CNTNAP2: variants seen among roughly 807,000 people sequenced by gnomAD.
CNTNAP2 encodes the protein contactin-associated protein-like 2.
CNTNAP2 carries 98 observed loss-of-function variants against 155.2 expected under a neutral mutation model. The ratio of observed to expected loss-of-function variants is 0.63; its 90% confidence interval spans 0.54 to 0.75. The LOEUF is 0.75. Ranked by LOEUF, CNTNAP2 falls within the 30% of genes least tolerant of loss-of-function variation. The pLI is 0.00. For synonymous variants in CNTNAP2, 651 were observed against 631.2 expected (o/e 1.03, Z -0.47); for missense variants, 1,727 against 1,688.1 (o/e 1.02, Z -0.40).
In CNTNAP2 at chr7:146,224,514, G is replaced by A. The variant is rs1411334450; in HGVS notation, c.97+107541G>A. On this transcript the variant is annotated intron_variant, in intron 1 of 23. Coordinates refer to ENST00000361727, the MANE Select transcript of CNTNAP2 (RefSeq NM_014141.6). ...TGTAATCCCAGCACTTTGGGAGGCC[G>A]AGGCGGGCGGATCATGAGGTCAGGA... 5.9e-5 allele frequency among the ~76,000 whole-genome samples: 9 copies of A among 151,726 alleles called. 1 individual carries two copies. In the South Asian group the frequency reaches 8.3e-4, roughly 14 times the overall value.
Position 147,703,162 on chromosome 7 carries a change from A to C in CNTNAP2, c.2098+63856A>C, listed in dbSNP as rs1187062650. Among the ~76,000 whole-genome samples, 3 of 152,038 alleles carry C rather than the reference A, an allele frequency of 2.0e-5. No homozygotes were observed. The East Asian group carries it at 5.8e-4, about 29-fold the overall frequency. On this transcript the variant is annotated intron_variant, in intron 13 of 23. Transcript: ENST00000361727. ...TTCTCCATACACCAACCACATTACC[A>C]ACCTCCCCTTCCCATCGAGAGAAGA...
At chr7:147,966,471 T>G (rs1801212587) in intron 14 of CNTNAP2, among the ~76,000 whole-genome samples, 1 of 152,048 alleles carries the variant, frequency 6.6e-6, no homozygotes, top group South Asian at 2.1e-4. Context: ...TTATAAAAAT[T>G]GTCCAGGTTT....
chr7:146,996,363 T>C (rs1798308595), intron 3 of CNTNAP2, among the ~76,000 whole-genome samples: 1 of 152,134 alleles, frequency 6.6e-6, no homozygotes, highest in African/African-American at 2.4e-5. Flanking sequence ...AAAGTCTTCC[T>C]TTTTATTTGT....
chr7:146,937,204 A>G (rs574446319), intron 3 of CNTNAP2, among the ~76,000 whole-genome samples: 1 of 151,896 alleles, frequency 6.6e-6, no homozygotes, highest in South Asian at 2.1e-4. Context: ...TGGCTAACAC[A>G]GTGAAACCCC....
intron 1 of CNTNAP2, among the ~76,000 whole-genome samples, chr7:146,250,935 G>A (rs943589812): frequency 6.6e-6 from 1 of 152,172 alleles, no homozygotes; most frequent in Non-Finnish European, 1.5e-5. Context: ...CTGTAGTTTA[G>A]TGAGCTCAAG....
At chr7:146,246,135 A>G (rs144673836) in intron 1 of CNTNAP2, among the ~76,000 whole-genome samples, 3,301 of 151,782 alleles carry the variant, frequency 0.022, 114 homozygotes, top group African/African-American at 0.075. Context: ...TGATATTGGC[A>G]TTGAGTGGGG....
intron 1 of CNTNAP2, among the ~76,000 whole-genome samples, chr7:146,461,399 C>T (rs1584936128): frequency 1.5e-5 from 2 of 130,940 alleles, no homozygotes; most frequent in South Asian, 4.5e-4. Context: ...AGCAAGACTC[C>T]GTCTCAAAAA....
At chr7:146,334,982 T>C (rs1316069274) in intron 1 of CNTNAP2, among the ~76,000 whole-genome samples, 1 of 152,204 alleles carries the variant, frequency 6.6e-6, no homozygotes, top group African/African-American at 2.4e-5. Context: ...CTTTGATCAC[T>C]TGTAGTAGAG....
chr7:147,916,774 G>A (rs2710123), intron 14 of CNTNAP2, among the ~76,000 whole-genome samples: 12,058 of 151,810 alleles, frequency 0.079, 669 homozygotes, highest in African/African-American at 0.14. Context: ...AAGTGCAGAC[G>A]CAGCAATTGT....
chr7:146,925,493 A>C (rs1796589256), intron 3 of CNTNAP2, among the ~76,000 whole-genome samples: 1 of 152,102 alleles, frequency 6.6e-6, no homozygotes, highest in Non-Finnish European at 1.5e-5. Context: ...TTATGAATTT[A>C]CCTACGTTAA....
intron 8 of CNTNAP2, among the ~76,000 whole-genome samples, chr7:147,271,320 C>A (rs988956459): frequency 6.6e-6 from 1 of 152,096 alleles, no homozygotes; most frequent in Non-Finnish European, 1.5e-5. Context: ...TAAATTCAAG[C>A]AACCTCTAAA....
At chr7:146,296,563 T>A (rs1431532797) in intron 1 of CNTNAP2, among the ~76,000 whole-genome samples, 1 of 152,156 alleles carries the variant, frequency 6.6e-6, no homozygotes, top group Admixed American at 6.6e-5. Flanking sequence ...GAGGTAGCAT[T>A]TCTAATTTTC....
At chr7:148,199,055 C>T (rs945693225) in intron 18 of CNTNAP2, among the ~76,000 whole-genome samples, 2 of 152,058 alleles carry the variant, frequency 1.3e-5, no homozygotes, top group African/African-American at 2.4e-5. Context: ...ATGGTAAGGG[C>T]TTGGCTTTTG....
chr7:148,033,994 A>G (rs1802528391), intron 15 of CNTNAP2, among the ~76,000 whole-genome samples: 2 of 152,234 alleles, frequency 1.3e-5, no homozygotes, highest in African/African-American at 4.8e-5. Flanking sequence ...GGCAGGAAAA[A>G]GAAAATTCTA....
intron 4 of CNTNAP2, among the ~76,000 whole-genome samples, chr7:147,089,424 ATTC>A (rs904985350): frequency 1.3e-5 from 2 of 152,162 alleles, no homozygotes; most frequent in African/African-American, 4.8e-5. Flanking sequence ...TTGGAAAAAC[ATTC>A]TTGTCTTGTT....
chr7:146,511,719 A>G (rs887595904), intron 1 of CNTNAP2, among the ~76,000 whole-genome samples: 11 of 152,140 alleles, frequency 7.2e-5, no homozygotes, highest in East Asian at 3.9e-4. Context: ...TTCATTATGA[A>G]TATTGACCTG....
intron 13 of CNTNAP2, among the ~76,000 whole-genome samples, chr7:147,740,920 T>A (rs1796945989): frequency 6.6e-6 from 1 of 151,118 alleles, no homozygotes; most frequent in African/African-American, 2.4e-5. Context: ...AGCCAGTCCC[T>A]CAGGTGTCCT....
At chr7:148,053,045 T>C (rs1159340265) in intron 15 of CNTNAP2, among the ~76,000 whole-genome samples, 1 of 152,130 alleles carries the variant, frequency 6.6e-6, no homozygotes, top group East Asian at 1.9e-4. Context: ...AGACTCCGTC[T>C]CAAAAAAACA....
intron 1 of CNTNAP2, among the ~76,000 whole-genome samples, chr7:146,693,615 T>A (rs1800733896): frequency 6.6e-6 from 1 of 152,116 alleles, no homozygotes. Context: ...CCTCCCTGGG[T>A]TCTGTTTCCT....
Sources: allele counts gnomAD v4.1 joint callset (sites outside exome capture counted in the v4.1 genomes callset), GRCh38; gene constraint gnomAD v4.1.1; transcripts MANE v1.5; gene names NCBI Gene and HGNC (gene_info 2026-07-23, HGNC 2026-07-21).